The following SLMAP variants were observed in gnomAD, a reference collection of about 807,000 sequenced individuals.
The protein encoded by SLMAP is sarcolemmal membrane-associated protein.
In SLMAP, 44 loss-of-function variants were observed where a neutral mutation model predicts 128.8. That is an observed-to-expected ratio of 0.34 (90% CI 0.27 to 0.44). The LOEUF (loss-of-function observed/expected upper bound fraction) is 0.44, where lower values mean the gene tolerates loss of function less well. Among genes scored for constraint, SLMAP ranks in the 20% least tolerant of loss-of-function variants. SLMAP has a pLI of 1.00. For synonymous variants in SLMAP, 327 were observed against 348.8 expected, an observed-to-expected ratio of 0.94 and a Z score of 0.70; for missense variants, 787 against 985.3, an observed-to-expected ratio of 0.80 and a Z score of 2.69.
chr3:57,788,181 G>A (rs1559987986), intron 2 of SLMAP, among the ~76,000 whole-genome samples: 2 of 152,194 alleles, frequency 1.3e-5, no homozygotes, highest in South Asian at 2.1e-4. Context: ...GAATCATATA[G>A]GAGAGAGGAC....
At chr3:57,873,878 T>C (rs2095542182) in intron 14 of SLMAP, among the ~76,000 whole-genome samples, 1 of 152,120 alleles carries the variant, frequency 6.6e-6, no homozygotes. Flanking sequence ...CCCAGTACTT[T>C]GGAAGGCTGA....
intron 2 of SLMAP, among the ~76,000 whole-genome samples, chr3:57,825,050 TATTC>T (rs1367852405): frequency 2.0e-5 from 3 of 152,210 alleles, no homozygotes; most frequent in Non-Finnish European, 2.9e-5. Context: ...CTTTTTGAAT[TATTC>T]ATTGCTGGTA....
intron 6 of SLMAP, 84 bp downstream of exon 6, chr3:57,849,900 A>G (rs1337836602): frequency 1.3e-6 from 1 of 787,118 alleles, no homozygotes; most frequent in East Asian, 2.4e-5. Context: ...AGGGCCAGGC[A>G]TGGTGGCTAA....
At chr3:57,853,871 G>A (rs1370802952) in intron 6 of SLMAP, among the ~76,000 whole-genome samples, 3 of 146,080 alleles carry the variant, frequency 2.1e-5, no homozygotes, top group Non-Finnish European at 1.5e-5. Flanking sequence ...GACCCAGGAG[G>A]CGGAGGCTGC....
At chr3:57,923,124 A>G in intron 23 of SLMAP, 101 bp downstream of exon 23, 2 of 1,081,656 alleles carry the variant, frequency 1.8e-6, no homozygotes, top group Non-Finnish European at 2.7e-6. Context: ...AGCAAATGGT[A>G]CAGATGAAAT....
At chr3:57,857,701 A>G (rs1384774387) in intron 6 of SLMAP, 32 bp from the exon 7 acceptor site, 4 of 1,395,294 alleles carry the variant, frequency 2.9e-6, no homozygotes, top group Non-Finnish European at 4.1e-6. Flanking sequence ...TGATGAGCTT[A>G]TTAGAATCTG....
intron 2 of SLMAP, among the ~76,000 whole-genome samples, chr3:57,762,777 G>A (rs1461964632): frequency 8.1e-5 from 12 of 147,704 alleles, no homozygotes; most frequent in Admixed American, 4.1e-4. Flanking sequence ...GTGCAGTGGC[G>A]CAATCTCGGC....
chr3:57,909,704 C>T (rs1316595951), intron 19 of SLMAP, among the ~76,000 whole-genome samples: 2 of 151,556 alleles, frequency 1.3e-5, no homozygotes, highest in Non-Finnish European at 2.9e-5. Context: ...CCTCCGCCTC[C>T]CAGGTTCAAG....
intron 2 of SLMAP, among the ~76,000 whole-genome samples, chr3:57,816,475 A>G (rs1269101390): frequency 1.3e-5 from 2 of 152,198 alleles, no homozygotes; most frequent in African/African-American, 2.4e-5. Flanking sequence ...GCTCTGCTCC[A>G]TATAGCATCC....
At chr3:57,795,996 T>C (rs1378994322) in intron 2 of SLMAP, among the ~76,000 whole-genome samples, 2 of 152,226 alleles carry the variant, frequency 1.3e-5, no homozygotes, top group Non-Finnish European at 2.9e-5. Context: ...TCTATTTTTA[T>C]TTTTATAAGT....
intron 4 of SLMAP, among the ~76,000 whole-genome samples, chr3:57,844,508 T>G (rs2094144023): frequency 6.6e-6 from 1 of 152,184 alleles, no homozygotes; most frequent in South Asian, 2.1e-4. Context: ...TATATGCATA[T>G]GAACTTAATT....
At chr3:57,896,287 G>T in intron 15 of SLMAP, 1 of 1,247,558 alleles carries the variant, frequency 8.0e-7, no homozygotes. Flanking sequence ...CCAGCCCTCA[G>T]CAAAGCAGAC....
intron 2 of SLMAP, among the ~76,000 whole-genome samples, chr3:57,807,253 T>C (rs2090077934): frequency 6.6e-6 from 1 of 152,254 alleles, no homozygotes; most frequent in Non-Finnish European, 1.5e-5. Flanking sequence ...TTATAGATTC[T>C]GGATATTAGA....
chr3:57,848,376 C>T (rs2094356588), intron 5 of SLMAP, among the ~76,000 whole-genome samples: 1 of 150,766 alleles, frequency 6.6e-6, no homozygotes, highest in Non-Finnish European at 1.5e-5. Context: ...CCTCCTTCTG[C>T]CTTCTTTCTT....
intron 6 of SLMAP, among the ~76,000 whole-genome samples, chr3:57,850,652 G>T (rs946494424): frequency 6.6e-6 from 1 of 151,986 alleles, no homozygotes; most frequent in African/African-American, 2.4e-5. Flanking sequence ...TTTTATTTTT[G>T]AGATGGAGTC....
rs752159642 is a variant in SLMAP at position 57,917,126 on chromosome 3, A to T, written c.2310+49A>T. On this transcript the variant is annotated intron_variant, in intron 22 of 24. Coordinates refer to ENST00000671191, the MANE Select transcript of SLMAP (RefSeq NM_001377540.1). ...CCCAATTATGGTTGGACTTAAAGCC[A>T]AAAGCAAATCGGATATCCATGCTAG... The T allele has an allele frequency of 6.2e-6, 10 of 1,610,898 alleles. No individual in the cohort carries two copies. In the Admixed American group the frequency reaches 1.3e-4, roughly 22 times the overall value.
chr3:57,799,163 C>T (rs2087538317), intron 2 of SLMAP, among the ~76,000 whole-genome samples: 1 of 152,134 alleles, frequency 6.6e-6, no homozygotes, highest in Non-Finnish European at 1.5e-5. Flanking sequence ...TTAAGGGATA[C>T]AATAACTGAT....
intron 3 of SLMAP, among the ~76,000 whole-genome samples, chr3:57,833,252 A>G (rs1242211328): frequency 6.6e-6 from 1 of 152,172 alleles, no homozygotes; most frequent in Non-Finnish European, 1.5e-5. Flanking sequence ...GCAGATTTCC[A>G]AGGAGGTGGC....
intron 17 of SLMAP, chr3:57,899,377 T>A (rs569416108): frequency 6.6e-6 from 1 of 152,320 alleles, no homozygotes; most frequent in South Asian, 2.1e-4. Flanking sequence ...TTGCTTCAGG[T>A]GCCATTGATG....
Sources: allele counts gnomAD v4.1 joint callset (sites outside exome capture counted in the v4.1 genomes callset), GRCh38; gene constraint gnomAD v4.1.1; transcripts MANE v1.5; gene names NCBI Gene and HGNC (gene_info 2026-07-23, HGNC 2026-07-21).